TAOK3: variants seen among roughly 807,000 people sequenced by gnomAD.
The protein encoded by TAOK3 is serine/threonine-protein kinase TAO3.
Under a neutral mutation model 120.4 loss-of-function variants are expected in TAOK3, and 40 were observed. The observed-to-expected ratio is 0.33, with a 90% CI of 0.26 to 0.43. The LOEUF (loss-of-function observed/expected upper bound fraction) is 0.43, where lower values mean the gene tolerates loss of function less well. Ranked by LOEUF, TAOK3 falls within the 20% of genes least tolerant of loss-of-function variation. The pLI is 1.00. For missense variants in TAOK3, 821 were observed against 1,112.1 expected, an observed-to-expected ratio of 0.74 and a Z score of 3.72; for synonymous variants, 355 against 387.5, an observed-to-expected ratio of 0.92 and a Z score of 0.99.
chr12:118,311,067 A>C (rs2043242479), intron 1 of TAOK3, among the ~76,000 whole-genome samples: 1 of 152,248 alleles, frequency 6.6e-6, no homozygotes, highest in Non-Finnish European at 1.5e-5. Context: ...AAGTACAATT[A>C]ATGAACTGTG....
chr12:118,263,786 C>T (rs1286102627), intron 2 of TAOK3, among the ~76,000 whole-genome samples: 1 of 152,128 alleles, frequency 6.6e-6, no homozygotes, highest in East Asian at 1.9e-4. Context: ...CCATGAGAGG[C>T]CGGGCACGGT....
intron 1 of TAOK3, among the ~76,000 whole-genome samples, chr12:118,297,971 G>A (rs980993783): frequency 1.3e-5 from 2 of 152,094 alleles, no homozygotes; most frequent in Non-Finnish European, 2.9e-5. Flanking sequence ...GTAGAGATGG[G>A]CTCTCACTGT....
At chr12:118,283,928 TG>T (rs1365423616) in intron 1 of TAOK3, among the ~76,000 whole-genome samples, 1 of 152,164 alleles carries the variant, frequency 6.6e-6, no homozygotes, top group East Asian at 1.9e-4. Context: ...TCAAGGAGCT[TG>T]AATACCATGT....
intron 3 of TAOK3, among the ~76,000 whole-genome samples, chr12:118,247,471 A>G (rs1468703708): frequency 1.3e-5 from 2 of 149,758 alleles, no homozygotes; most frequent in African/African-American, 4.8e-5. Context: ...CTTACTCAAG[A>G]TATACATATA....
chr12:118,169,558 G>A (rs1215664311), intron 17 of TAOK3, among the ~76,000 whole-genome samples: 2 of 151,994 alleles, frequency 1.3e-5, no homozygotes, highest in African/African-American at 2.4e-5. Flanking sequence ...TGATCCGCCT[G>A]CCTGAGCCTC....
rs2045920924 is a variant in TAOK3 at position 118,372,238 on chromosome 12, C to T, written c.-194+410G>A. 6.6e-6 allele frequency among the ~76,000 whole-genome samples: 1 copy of T among 151,110 alleles called. No individual in the cohort carries two copies. The highest frequency in any genetic ancestry group is 2.1e-4 in the South Asian group (1 of 4,748). On this transcript the variant is annotated intron_variant, in intron 1 of 20. Coordinates refer to ENST00000392533, the MANE Select transcript of TAOK3 (RefSeq NM_016281.4). This position sits in a 1 kb window ranked among gnomAD's most constrained non-coding sequence, Gnocchi z 4.6. ...TCAGACTCTCAGTGCCGGCCCCTCTCGGGGACCCTTCCCCTCTCCCCGCTG... is the reference window on the plus strand; with the variant it reads ...TCAGACTCTCAGTGCCGGCCCCTCTTGGGGACCCTTCCCCTCTCCCCGCTG...
chr12:118,214,133 T>C, intron 9 of TAOK3, 23 bp from the exon 10 acceptor site: 1 of 1,584,092 alleles, frequency 6.3e-7, no homozygotes, highest in Non-Finnish European at 8.6e-7. Context: ...AGAAACACAA[T>C]AAAGTAGTTC....
At chr12:118,275,402 G>C (rs1043168928) in intron 1 of TAOK3, among the ~76,000 whole-genome samples, 4 of 152,128 alleles carry the variant, frequency 2.6e-5, no homozygotes, top group Non-Finnish European at 5.9e-5. Flanking sequence ...CCAAAGTGCT[G>C]GGATTACAGG....
intron 7 of TAOK3, among the ~76,000 whole-genome samples, chr12:118,237,113 G>T (rs1479182290): frequency 6.6e-6 from 1 of 152,088 alleles, no homozygotes; most frequent in Non-Finnish European, 1.5e-5. Context: ...ACATGATTAG[G>T]TTCACTCTTT....
chr12:118,202,771 T>C (rs2038088785), intron 11 of TAOK3, among the ~76,000 whole-genome samples: 3 of 140,384 alleles, frequency 2.1e-5, no homozygotes, highest in Admixed American at 7.3e-5. Flanking sequence ...GTATAGTCTA[T>C]TCTTTTTTTT....
At chr12:118,207,342 A>AG (rs974546132) in intron 11 of TAOK3, among the ~76,000 whole-genome samples, 2 of 151,726 alleles carry the variant, frequency 1.3e-5, no homozygotes, top group Non-Finnish European at 1.5e-5. Flanking sequence ...AAAAAAAAAA[A>AG]AAAGAAAGAA....
chr12:118,212,557 G>A (rs2139469047), intron 11 of TAOK3, among the ~76,000 whole-genome samples: 1 of 152,256 alleles, frequency 6.6e-6, no homozygotes, highest in East Asian at 1.9e-4. Context: ...TGAACCACCA[G>A]CCAGCTCTGT....
chr12:118,243,280 A>G (rs1346091864), intron 5 of TAOK3, 135 bp downstream of exon 5: 2 of 569,392 alleles, frequency 3.5e-6, no homozygotes, highest in Non-Finnish European at 6.0e-6. Context: ...AGTATTAACA[A>G]ATGTTAAATA....
intron 1 of TAOK3, among the ~76,000 whole-genome samples, chr12:118,348,743 C>A (rs2044993359): frequency 1.3e-5 from 2 of 152,020 alleles, no homozygotes; most frequent in South Asian, 4.1e-4. Context: ...AGCCACTGCG[C>A]CCAGCCTCTG....
chr12:118,359,324 GAA>G (rs1480325492), intron 1 of TAOK3, among the ~76,000 whole-genome samples: 2 of 152,176 alleles, frequency 1.3e-5, no homozygotes, highest in African/African-American at 4.8e-5. Flanking sequence ...AAAAATCTAT[GAA>G]AGTCTATCAA....
At chr12:118,261,903 T>C (rs1402290391) in intron 2 of TAOK3, among the ~76,000 whole-genome samples, 10 of 152,050 alleles carry the variant, frequency 6.6e-5, no homozygotes, top group Admixed American at 5.9e-4. Context: ...CTCTGTCACC[T>C]GGGCTGGAGT....
At chr12:118,166,839 C>CAT (rs1173537070) in intron 17 of TAOK3, among the ~76,000 whole-genome samples, 6 of 125,788 alleles carry the variant, frequency 4.8e-5, no homozygotes, top group Admixed American at 2.6e-4. Context: ...CACACACACA[C>CAT]ACACACATAC....
intron 9 of TAOK3, among the ~76,000 whole-genome samples, chr12:118,219,965 T>TC (rs2039149340): frequency 6.9e-6 from 1 of 145,726 alleles, no homozygotes; most frequent in South Asian, 2.2e-4. Flanking sequence ...TCTCCAACCC[T>TC]CCCCCCTTCC....
intron 1 of TAOK3, among the ~76,000 whole-genome samples, chr12:118,309,660 C>T (rs1366775930): frequency 2.6e-5 from 4 of 151,756 alleles, no homozygotes; most frequent in East Asian, 2.0e-4. Flanking sequence ...GGATTACAGG[C>T]GCCTGCCACC....
Sources: allele counts gnomAD v4.1 joint callset (sites outside exome capture counted in the v4.1 genomes callset), GRCh38; gene constraint gnomAD v4.1.1; non-coding constraint Gnocchi (gnomAD v3.1); transcripts MANE v1.5; gene names NCBI Gene and HGNC (gene_info 2026-07-23, HGNC 2026-07-21).